Variants in ABCC9 observed in about 807,000 individuals in gnomAD.
The protein encoded by ABCC9 is ATP binding cassette subfamily C member 9, also known as ATP-binding cassette sub-family C member 9.
A neutral mutation model predicts 188.3 loss-of-function variants in ABCC9; 95 were observed. The observed-to-expected ratio is 0.50, with a 90% CI of 0.43 to 0.60. The LOEUF is 0.60. Ranked by LOEUF, ABCC9 falls within the 20% of genes least tolerant of loss-of-function variation. The pLI is 0.00. For synonymous variants in ABCC9, 659 were observed against 652.7 expected, an observed-to-expected ratio of 1.01 and a Z score of -0.15; for missense variants, 1,102 against 1,876.3, an observed-to-expected ratio of 0.59 and a Z score of 7.62.
chr12:21,801,103 C>G lies in ABCC9; in HGVS notation c.4591G>C (p.Glu1531Gln), dbSNP rs1656797480. Residue 1531 changes from glutamate to glutamine, a missense_variant, in exon 40 of 40, where the codon GAA becomes CAA. Physicochemically the swap from Glu to Gln is conservative, Grantham distance 29. Around this residue, in one of 12 missense-constraint regions of ABCC9, gnomAD observed 30 missense variants for 34.3 expected, o/e 0.87. Coordinates refer to ENST00000261200, the MANE Select transcript of ABCC9 (RefSeq NM_020297.4). ...CCATTTTCCTGAGCCAAGAGGCTTT[C>G]TGGAGTGTCATATTCTAAAATATTT... The part of the protein sequence containing the change: ...RGNILEYDTP[E>Q]SLLAQENGVF... 3 of 1,613,906 alleles carry G rather than the reference C, an allele frequency of 1.9e-6. No individual in the cohort carries two copies. Among genetic ancestry groups the G allele is most frequent in the African/African-American group, 1.3e-5 (1 of 74,934 alleles).
At chr12:21,887,665 A>G (rs1946948642) in intron 15 of ABCC9, among the ~76,000 whole-genome samples, 161 bp downstream of exon 15, 1 of 152,074 alleles carries the variant, frequency 6.6e-6, no homozygotes, top group Admixed American at 6.6e-5. Flanking sequence ...TCGTCTATTG[A>G]TTTTAGACTT....
chr12:21,817,881 A>G (rs1189751043), intron 32 of ABCC9, among the ~76,000 whole-genome samples: 1 of 151,880 alleles, frequency 6.6e-6, no homozygotes, highest in East Asian at 1.9e-4. Flanking sequence ...ACAAAATGAG[A>G]TTTTTTTCCC....
chr12:21,819,902 C>T (rs1045733114), intron 31 of ABCC9, among the ~76,000 whole-genome samples: 7 of 152,108 alleles, frequency 4.6e-5, no homozygotes, highest in African/African-American at 1.7e-4. Context: ...TTGATTGCCT[C>T]TTCTGATGTA....
intron 12 of ABCC9, among the ~76,000 whole-genome samples, chr12:21,897,178 T>C (rs1947470023): frequency 6.6e-6 from 1 of 152,204 alleles, no homozygotes; most frequent in Admixed American, 6.5e-5. Flanking sequence ...ATGAGTGATG[T>C]TGAGCTTTAT....
intron 22 of ABCC9, 43 bp from the exon 23 acceptor site, chr12:21,852,548 T>G (rs768657476): frequency 1.9e-6 from 3 of 1,600,310 alleles, no homozygotes; most frequent in Non-Finnish European, 8.5e-7. Context: ...TTTTCTATAC[T>G]TGTTACATAA....
intron 12 of ABCC9, among the ~76,000 whole-genome samples, chr12:21,900,123 C>A (rs142101327): frequency 4.2e-4 from 64 of 152,260 alleles, no homozygotes; most frequent in African/African-American, 1.5e-3. Context: ...TCCAGAGGAC[C>A]GATCAGGCAG....
Position 21,873,453 on chromosome 12 carries a change from G to T in ABCC9, c.2093-723C>A, listed in dbSNP as rs112576058. Among the ~76,000 whole-genome samples the T allele has an allele frequency of 7.3e-3, 1,105 of 152,196 alleles. 14 individuals are homozygous for T. The highest frequency in any genetic ancestry group is 0.025 in the African/African-American group (1,046 of 41,552). ...AAATGAAAAGACTTCTGGGCTTAGG[G>T]TCTGGAAGAATTAATATTGTTAAAA... On this transcript the variant is annotated intron_variant, in intron 17 of 39. Transcript: ENST00000261200.
At chr12:21,878,765 GT>G (rs4148668) in intron 16 of ABCC9, among the ~76,000 whole-genome samples, 41,600 of 152,018 alleles carry the variant, frequency 0.27, 6,284 homozygotes, top group Admixed American at 0.35. Context: ...TTCTGATTTG[GT>G]GCTACATTGA....
Position 21,912,765 on chromosome 12 carries a change from G to GAAA in ABCC9, c.1011+104_1011+106dup, listed in dbSNP as rs3835048. On this transcript the variant is annotated intron_variant, in intron 8 of 39. Coordinates refer to ENST00000261200, the MANE Select transcript of ABCC9 (RefSeq NM_020297.4). ...TCTTTTAGAAAGCATTCAATTCTCT[G>GAAA]AAAAAAAGCCTATTTGAACAACTCA... The GAAA allele has an allele frequency of 5.8e-4, 611 of 1,047,934 alleles. 2 individuals carry two copies. Among genetic ancestry groups the GAAA allele is most frequent in the Middle Eastern group, 8.8e-4 (3 of 3,424 alleles). 64.9% of individuals were successfully genotyped at this position (1,047,934 alleles called of 1,614,324 possible). A position where few individuals can be genotyped will look rare whatever the true frequency, so the allele number is the denominator to read the frequency against.
chr12:21,837,290 C>T (rs879702067), intron 30 of ABCC9, among the ~76,000 whole-genome samples: 7 of 152,200 alleles, frequency 4.6e-5, no homozygotes, highest in African/African-American at 9.6e-5. Context: ...ATTATGTAGA[C>T]GTGCTGTGGA....
intron 16 of ABCC9, among the ~76,000 whole-genome samples, chr12:21,876,045 C>A (rs1946329214): frequency 6.6e-6 from 1 of 151,978 alleles, no homozygotes; most frequent in South Asian, 2.1e-4. Context: ...GAGCGAGACT[C>A]CATCTTGGAA....
At chr12:21,815,282 CATGGTTTTTTTTT>C (rs1207501165) in intron 34 of ABCC9, among the ~76,000 whole-genome samples, 1 of 145,300 alleles carries the variant, frequency 6.9e-6, no homozygotes, top group Non-Finnish European at 1.5e-5. Context: ...GTTTTTTCTT[CATGGTTTTTTTTT>C]TTTTTTGCAT....
intron 23 of ABCC9, 65 bp downstream of exon 23, chr12:21,852,303 T>C: frequency 6.2e-7 from 1 of 1,612,992 alleles, no homozygotes; most frequent in East Asian, 2.2e-5. Context: ...AGAAAGCATT[T>C]TTTACTGTCT....
chr12:21,894,328 T>C (rs114613035), intron 13 of ABCC9, among the ~76,000 whole-genome samples, 154 bp from the exon 14 acceptor site: 88 of 152,310 alleles, frequency 5.8e-4, no homozygotes, highest in African/African-American at 2.0e-3. Context: ...ATTAAAACAA[T>C]ACTTGCTTTT....
intron 15 of ABCC9, among the ~76,000 whole-genome samples, chr12:21,887,147 A>T (rs140812019): frequency 3.7e-4 from 56 of 152,330 alleles, no homozygotes; most frequent in African/African-American, 1.3e-3. Flanking sequence ...AATAAAAAAC[A>T]CAGTCATATA....
intron 30 of ABCC9, among the ~76,000 whole-genome samples, chr12:21,835,597 C>T (rs895546473): frequency 1.3e-5 from 2 of 152,120 alleles, no homozygotes; most frequent in Admixed American, 6.6e-5. Flanking sequence ...AGAGGACCAG[C>T]TCTGTTTAAT....
intron 31 of ABCC9, chr12:21,827,300 G>C: frequency 2.0e-6 from 2 of 985,302 alleles, no homozygotes; most frequent in African/African-American, 3.5e-5. Flanking sequence ...CCATTAATCT[G>C]ACAGCAGGAA....
chr12:21,891,943 A>G (rs1220530664), intron 14 of ABCC9, among the ~76,000 whole-genome samples: 1 of 152,222 alleles, frequency 6.6e-6, no homozygotes, highest in Non-Finnish European at 1.5e-5. Flanking sequence ...GGTTCCCAGA[A>G]CTAGCACACA....
At chr12:21,816,063 T>TTG (rs1942617381) in intron 33 of ABCC9, among the ~76,000 whole-genome samples, 170 bp from the exon 34 acceptor site, 1 of 126,256 alleles carries the variant, frequency 7.9e-6, no homozygotes, top group Non-Finnish European at 1.6e-5. Flanking sequence ...TTTTTTTTTT[T>TTG]TTTTTTTTTT....
Sources: allele counts gnomAD v4.1 joint callset (sites outside exome capture counted in the v4.1 genomes callset), GRCh38; gene constraint gnomAD v4.1.1; regional missense constraint gnomAD v4.1.1; transcripts MANE v1.5; gene names NCBI Gene and HGNC (gene_info 2026-07-23, HGNC 2026-07-21).